The following MAST4 variants were observed in gnomAD, a reference collection of about 807,000 sequenced individuals.
MAST4 encodes the protein microtubule associated serine/threonine kinase family member 4.
MAST4 carries 89 observed loss-of-function variants against 162.7 expected under a neutral mutation model. That is an observed-to-expected ratio of 0.55 (90% confidence interval 0.46 to 0.65). The LOEUF is 0.65. MAST4 is among the 30% of genes least tolerant of loss of function. MAST4 has a pLI of 0.00. For missense variants in MAST4, 3,153 were observed against 3,374.0 expected, an observed-to-expected ratio of 0.93 and a Z score of 1.62; for synonymous variants, 1,479 against 1,361.1, an observed-to-expected ratio of 1.09 and a Z score of -1.91.
At chr5:66,629,830 G>C (rs1744682884) in intron 1 of MAST4, among the ~76,000 whole-genome samples, 1 of 152,134 alleles carries the variant, frequency 6.6e-6, no homozygotes, top group Non-Finnish European at 1.5e-5. Flanking sequence ...ATTTGAATAG[G>C]AATATAGTTT....
chr5:67,156,125 C>T (rs902943320), intron 26 of MAST4, among the ~76,000 whole-genome samples: 26 of 151,658 alleles, frequency 1.7e-4, no homozygotes, highest in African/African-American at 5.8e-4. Flanking sequence ...TTGATGCCTG[C>T]CACACTCTTG....
Position 66,596,740 on chromosome 5 carries a change from G to A in MAST4, c.85G>A (p.Val29Ile). The A allele has an allele frequency of 7.1e-7, 1 of 1,411,932 alleles. No individual in the cohort carries two copies. Among genetic ancestry groups the A allele is most frequent in the Non-Finnish European group, 9.2e-7 (1 of 1,082,252 alleles). The allele number at this position is 1,411,932 out of a possible 1,614,324, so 87.5% of individuals were successfully genotyped here. ...CAGCCGGACTCCAGCCTCTGCGCTG[G>A]TCGCCGCGTCCTCTCCGGGTGCTTC... ...HGSRTPASAL[V>I]AASSPGASSA... Residue 29 changes from valine (V) to isoleucine (I), a missense_variant, in exon 1 of 29, where the codon GTC (valine) becomes ATC (isoleucine). Around this residue, in one of 7 missense-constraint regions of MAST4, gnomAD observed 327 missense variants for 336.5 expected, o/e 0.97. Coordinates refer to ENST00000403625, the MANE Select transcript of MAST4 (RefSeq NM_001164664.2).
At position 66,717,049 on chromosome 5, in the gene MAST4, G is replaced by A. The variant is rs561771037; in HGVS notation, c.364-42660G>A. 1.1e-4 allele frequency among the ~76,000 whole-genome samples: 16 copies of A among 152,280 alleles called. No individual in the cohort carries two copies. In the East Asian group the frequency reaches 1.4e-3, roughly 13 times the overall value. On this transcript the variant is annotated intron_variant, in intron 1 of 28. Transcript: ENST00000403625. ...TGATCCCAGGCGATGAGTATTAAGC[G>A]GGAGGGAAGCGAGGCTTTCCATGGC...
intron 1 of MAST4, among the ~76,000 whole-genome samples, chr5:66,613,235 C>G (rs1743414917): frequency 6.6e-6 from 1 of 151,898 alleles, no homozygotes; most frequent in Admixed American, 6.6e-5. Flanking sequence ...CCATCTAAGT[C>G]ATTGTCTAAG....
chr5:66,674,431 C>T (rs925473450), intron 1 of MAST4, among the ~76,000 whole-genome samples: 1 of 152,070 alleles, frequency 6.6e-6, no homozygotes, highest in Non-Finnish European at 1.5e-5. Flanking sequence ...GGATCCATTA[C>T]GAAGGAAAAA....
intron 19 of MAST4, among the ~76,000 whole-genome samples, chr5:67,137,886 C>A (rs968829291): frequency 6.6e-6 from 1 of 152,094 alleles, no homozygotes; most frequent in Non-Finnish European, 1.5e-5. Context: ...ACTGTTTTGC[C>A]CTTTACACAA....
intron 1 of MAST4, among the ~76,000 whole-genome samples, chr5:66,670,227 G>C (rs1478259636): frequency 1.3e-5 from 2 of 152,170 alleles, no homozygotes; most frequent in East Asian, 3.9e-4. Flanking sequence ...AATATAAATG[G>C]CTCTTGGAGT....
rs186944718 is a variant in MAST4 at position 67,074,738 on chromosome 5, G to C, written c.764-15424G>C. 2.0e-4 allele frequency among the ~76,000 whole-genome samples: 30 copies of C among 152,250 alleles called. No homozygotes were observed. In the East Asian group the frequency reaches 5.8e-3, roughly 29 times the overall value. Reference sequence around the variant, plus strand: ...AATTTGAAAGTATATTTGTATATACGTGTATACACTGTCAAAAAATAAAGA... The same window carrying C: ...AATTTGAAAGTATATTTGTATATACCTGTATACACTGTCAAAAAATAAAGA... On this transcript the variant is annotated intron_variant, in intron 5 of 28. Transcript: ENST00000403625.
rs556057166 is a variant in MAST4 at position 66,952,977 on chromosome 5, T to G, written c.674+52995T>G. Among the ~76,000 whole-genome samples the G allele has an allele frequency of 1.8e-4, 27 of 152,322 alleles. No individual in the cohort carries two copies. In the South Asian group the frequency reaches 5.4e-3, roughly 30 times the overall value. ...AATGGAGACTCTATAGATGTACCTT[T>G]CTGTCTCATCCACTGCTGTATCACC... is the stretch of plus-strand genomic sequence containing the variant. On this transcript the variant is annotated intron_variant, in intron 4 of 28. Coordinates refer to ENST00000403625, the MANE Select transcript of MAST4 (RefSeq NM_001164664.2).
At chr5:67,019,051 TTACTA>T (rs148211648) in intron 4 of MAST4, among the ~76,000 whole-genome samples, 3,744 of 152,326 alleles carry the variant, frequency 0.025, 70 homozygotes, top group Admixed American at 0.054. Context: ...AGTAGATGTT[TTACTA>T]TATCTCCTGG....
At chr5:66,995,565 G>C (rs980460004) in intron 4 of MAST4, among the ~76,000 whole-genome samples, 13 of 152,138 alleles carry the variant, frequency 8.5e-5, no homozygotes, top group Non-Finnish European at 1.5e-5. Context: ...ACCATACCCA[G>C]CTAATTTTTG....
At chr5:67,050,679 C>G (rs1758063704) in intron 4 of MAST4, among the ~76,000 whole-genome samples, 1 of 152,202 alleles carries the variant, frequency 6.6e-6, no homozygotes, top group Admixed American at 6.5e-5. Flanking sequence ...GCCATTGTCT[C>G]AAGTTGTTAT....
intron 1 of MAST4, among the ~76,000 whole-genome samples, chr5:66,754,036 A>G (rs1199469233): frequency 6.6e-6 from 1 of 151,958 alleles, no homozygotes; most frequent in Non-Finnish European, 1.5e-5. Flanking sequence ...CATAAACAGA[A>G]CCAAAGACAA....
intron 4 of MAST4, among the ~76,000 whole-genome samples, chr5:66,979,020 AAAG>A (rs1335655400): frequency 2.0e-5 from 3 of 152,180 alleles, no homozygotes; most frequent in African/African-American, 7.2e-5. Context: ...AGGCATTGTG[AAAG>A]AAGAGTTGAC....
In MAST4 at chr5:67,163,046, C is replaced by A; in HGVS notation, c.3968-101C>A. 1 of 1,326,560 alleles carries A rather than the reference C, an allele frequency of 7.5e-7. No homozygotes were observed. The highest frequency in any genetic ancestry group is 1.0e-6 in the Non-Finnish European group (1 of 967,398). 82.2% of individuals were successfully genotyped at this position (1,326,560 alleles called of 1,614,324 possible). On this transcript the variant is annotated intron_variant, in intron 28 of 28. Transcript: ENST00000403625. The surrounding 1 kb of genome is among the most constrained non-coding windows in gnomAD (Gnocchi z 7.0). ...ACTAGCTAAATGCTGAGACAATTTG[C>A]TGATCTTACCTGGCCTTACCTAATA...
At chr5:66,679,047 C>T (rs1386610991) in intron 1 of MAST4, among the ~76,000 whole-genome samples, 2 of 152,220 alleles carry the variant, frequency 1.3e-5, no homozygotes, top group Admixed American at 6.5e-5. Flanking sequence ...CTGCCTCGGC[C>T]TCCTGAAGTC....
In MAST4 at chr5:67,130,196, C is replaced by G. The variant is rs1768794290; in HGVS notation, c.1746-14C>G. ...TCTCCTCCTGTCAACCCCAATACTT[C>G]TGCTCCTTTTCAGGGCAGTCTACTT... is the stretch of plus-strand genomic sequence containing the variant. On this transcript the variant is annotated splice_polypyrimidine_tract_variant and intron_variant, in intron 14 of 28. Coordinates refer to ENST00000403625, the MANE Select transcript of MAST4 (RefSeq NM_001164664.2). 6.2e-7 allele frequency: 1 copy of G among 1,604,604 alleles called. No individual in the cohort carries two copies. Among genetic ancestry groups the G allele is most frequent in the South Asian group, 1.1e-5 (1 of 90,008 alleles).
chr5:66,626,465 G>A (rs1017646610), intron 1 of MAST4, among the ~76,000 whole-genome samples: 14 of 152,228 alleles, frequency 9.2e-5, no homozygotes, highest in South Asian at 2.1e-4. Context: ...ATACTCTTCC[G>A]CTGCACTGTT....
intron 2 of MAST4, among the ~76,000 whole-genome samples, chr5:66,785,829 A>T (rs1755090276): frequency 6.6e-6 from 1 of 152,208 alleles, no homozygotes; most frequent in Admixed American, 6.5e-5. Flanking sequence ...CAGGAGAATT[A>T]TACAGAGACA....
Sources: allele counts gnomAD v4.1 joint callset (sites outside exome capture counted in the v4.1 genomes callset), GRCh38; gene constraint gnomAD v4.1.1; regional missense constraint gnomAD v4.1.1; non-coding constraint Gnocchi (gnomAD v3.1); transcripts MANE v1.5; gene names NCBI Gene and HGNC (gene_info 2026-07-23, HGNC 2026-07-21).